Variants in APPBP2 observed in about 807,000 individuals in gnomAD.
APPBP2 encodes the protein amyloid beta precursor protein binding protein 2, also known as amyloid protein-binding protein 2.
A neutral mutation model predicts 76.0 loss-of-function variants in APPBP2; 15 were observed. That is an observed-to-expected ratio of 0.20 (90% CI 0.13 to 0.30). APPBP2 has a LOEUF of 0.30. APPBP2 is among the 10% of genes least tolerant of loss of function. The pLI is 1.00. For missense variants in APPBP2, 401 were observed against 687.2 expected (o/e 0.58, Z 4.66); for synonymous variants, 222 against 242.2 (o/e 0.92, Z 0.77).
intron 2 of APPBP2, among the ~76,000 whole-genome samples, chr17:60,495,450 ATTTAT>A (rs2090767608): frequency 7.4e-6 from 1 of 135,064 alleles, no homozygotes; most frequent in South Asian, 2.2e-4. Context: ...TTATTTATTT[ATTTAT>A]TTATTTATTT....
At chr17:60,516,603 A>G (rs1000946534) in intron 1 of APPBP2, among the ~76,000 whole-genome samples, 1 of 152,202 alleles carries the variant, frequency 6.6e-6, no homozygotes, top group African/African-American at 2.4e-5. Flanking sequence ...CTATCCCACT[A>G]TTTATTAATA....
chr17:60,475,670 C>CAT (rs977015906), intron 4 of APPBP2, among the ~76,000 whole-genome samples: 3 of 151,254 alleles, frequency 2.0e-5, no homozygotes, highest in Non-Finnish European at 4.4e-5. Context: ...CACACACACA[C>CAT]ACACACACAC....
chr17:60,524,711 T>C (rs954084063), intron 1 of APPBP2, among the ~76,000 whole-genome samples: 15 of 144,888 alleles, frequency 1.0e-4, no homozygotes, highest in African/African-American at 3.0e-4. Flanking sequence ...CGTAAGAACA[T>C]AAACATCTGT....
chr17:60,513,420 A>C, intron 1 of APPBP2: 1 of 664,534 alleles, frequency 1.5e-6, no homozygotes. Flanking sequence ...ATCGGGATTC[A>C]ATTTTTGTGA....
intron 1 of APPBP2, among the ~76,000 whole-genome samples, chr17:60,525,012 GGA>G (rs1490103100): frequency 5.3e-5 from 8 of 152,212 alleles, no homozygotes; most frequent in Non-Finnish European, 4.4e-5. Flanking sequence ...GAAACTCCTT[GGA>G]GAGTGGCTTG....
At chr17:60,514,469 A>G (rs1404846461) in intron 1 of APPBP2, among the ~76,000 whole-genome samples, 1 of 152,168 alleles carries the variant, frequency 6.6e-6, no homozygotes, top group African/African-American at 2.4e-5. Flanking sequence ...AAACACACAC[A>G]TAAGATGATT....
At chr17:60,483,675 G>A (rs1300603941) in intron 3 of APPBP2, among the ~76,000 whole-genome samples, 3 of 152,200 alleles carry the variant, frequency 2.0e-5, no homozygotes, top group Non-Finnish European at 4.4e-5. Flanking sequence ...TTACAGGCGT[G>A]AGCCACCGCA....
At chr17:60,514,015 A>AAC (rs2090942656) in intron 1 of APPBP2, among the ~76,000 whole-genome samples, 1 of 149,896 alleles carries the variant, frequency 6.7e-6, no homozygotes, top group African/African-American at 2.5e-5. Flanking sequence ...AAAAAAAAAA[A>AAC]AAAACACAGC....
rs566977157 is a variant in APPBP2, at chr17:60,466,501, A to G, written c.504-42T>C. The G allele has an allele frequency of 3.3e-5, 52 of 1,583,392 alleles. No individual in the cohort carries two copies. The Admixed American group carries it at 8.8e-4, about 27-fold the overall frequency. On this transcript the variant is annotated intron_variant, in intron 4 of 12. Coordinates refer to ENST00000083182, the MANE Select transcript of APPBP2 (RefSeq NM_006380.5). ...ACATTGCTCTATTTTTGATATTTTC[A>G]GCTTGGTAGACCTGATGACCTCTTA...
intron 3 of APPBP2, among the ~76,000 whole-genome samples, chr17:60,488,639 G>T (rs183517738): frequency 6.6e-6 from 1 of 152,130 alleles, no homozygotes; most frequent in Non-Finnish European, 1.5e-5. Context: ...TTAGGATTAA[G>T]ACTGATAACT....
chr17:60,462,380 G>A (rs2090481784), intron 6 of APPBP2: 2 of 231,342 alleles, frequency 8.6e-6, no homozygotes, highest in African/African-American at 4.5e-5. Flanking sequence ...AATGGGGGCA[G>A]AATTTACCAC....
chr17:60,487,375 G>C (rs1320101244), intron 3 of APPBP2, among the ~76,000 whole-genome samples: 1 of 148,394 alleles, frequency 6.7e-6, no homozygotes, highest in Non-Finnish European at 1.5e-5. Flanking sequence ...TGTATTTCTT[G>C]GAGGCTTTGT....
intron 1 of APPBP2, chr17:60,513,651 C>T (rs992243703): frequency 4.7e-6 from 1 of 212,972 alleles, no homozygotes; most frequent in Non-Finnish European, 9.4e-6. Context: ...CACCTGAGGT[C>T]AGGAGTTCGA....
At chr17:60,489,610 CAAAAAAA>C (rs746715643) in intron 3 of APPBP2, among the ~76,000 whole-genome samples, 30 of 53,600 alleles carry the variant, frequency 5.6e-4, no homozygotes, top group African/African-American at 1.5e-3. Flanking sequence ...GACCATGTCT[CAAAAAAA>C]AAAAAAAAAA....
At chr17:60,458,961 C>T (rs2090454385) in intron 9 of APPBP2, among the ~76,000 whole-genome samples, 2 of 151,702 alleles carry the variant, frequency 1.3e-5, no homozygotes, top group Admixed American at 6.6e-5. Flanking sequence ...TTAGTAGAGA[C>T]GGGGTTTCAC....
Position 60,444,201 on chromosome 17 carries a change from A to G in APPBP2, c.*3380T>C, listed in dbSNP as rs896236672. The G allele has an allele frequency of 6.6e-6, 1 of 152,570 alleles. No individual in the cohort carries two copies. The highest frequency in any genetic ancestry group is 6.6e-5 in the Admixed American group (1 of 15,266). The allele number at this position is 152,570 out of a possible 1,614,324, so 9.5% of individuals were successfully genotyped here. ...AGAGGTGAAGTACACATCCACTTCT[A>G]AAGCAAAGATAAAACCCCAAAAACT... On this transcript the variant is annotated 3_prime_UTR_variant, in exon 13 of 13. Coordinates refer to ENST00000083182, the MANE Select transcript of APPBP2 (RefSeq NM_006380.5).
At chr17:60,493,800 C>T (rs921674543) in intron 3 of APPBP2, among the ~76,000 whole-genome samples, 7 of 151,630 alleles carry the variant, frequency 4.6e-5, no homozygotes, top group Admixed American at 6.6e-5. Context: ...TCACCACACT[C>T]GGCTAATTTT....
At chr17:60,495,312 A>G (rs1033292088) in intron 2 of APPBP2, among the ~76,000 whole-genome samples, 1 of 151,890 alleles carries the variant, frequency 6.6e-6, no homozygotes, top group Non-Finnish European at 1.5e-5. Context: ...TCTCCACAAA[A>G]GATATATAAA....
At chr17:60,500,325 A>T in intron 2 of APPBP2, 74 bp downstream of exon 2, 1 of 1,047,734 alleles carries the variant, frequency 9.5e-7, no homozygotes, top group South Asian at 1.4e-5. Flanking sequence ...GAATATACTT[A>T]ATGCCACTCA....
Sources: allele counts gnomAD v4.1 joint callset (sites outside exome capture counted in the v4.1 genomes callset), GRCh38; gene constraint gnomAD v4.1.1; transcripts MANE v1.5; gene names NCBI Gene and HGNC (gene_info 2026-07-23, HGNC 2026-07-21).